ARMCX4: variants seen among roughly 807,000 people sequenced by gnomAD.
ARMCX4 encodes the protein armadillo repeat containing X-linked 4.
In ARMCX4, 3 loss-of-function variants were observed where a neutral mutation model predicts 34.7. That is an observed-to-expected ratio of 0.09 (90% CI 0.04 to 0.22). ARMCX4 has a LOEUF of 0.22. Ranked by LOEUF, ARMCX4 falls within the 10% of genes least tolerant of loss-of-function variation. The pLI, the probability that ARMCX4 is intolerant of heterozygous loss-of-function variation, is 1.00. For missense variants in ARMCX4, 1,448 were observed against 1,720.8 expected (o/e 0.84, Z 2.81); for synonymous variants, 513 against 632.8 (o/e 0.81, Z 2.84).
chrX:101,493,461 G>A lies in ARMCX4; in HGVS notation c.4872G>A (p.Pro1624=), dbSNP rs1297258014. 6.9e-6 allele frequency: 8 copies of A among 1,152,206 alleles called. No individual in the cohort carries two copies. The Admixed American group carries it at 7.8e-5, about 11-fold the overall frequency. The allele number at this position is 1,152,206 out of a possible 1,213,427, so 95.0% of individuals were successfully genotyped here. ...AGGQVLGGAR[P]GPADQSSGGS... is the part of the protein sequence containing the mutation. ...GCCAGGTCCTTGGGGGAGCTAGGCC[G>A]GGGCCTGCAGACCAGTCCAGTGGTG... The change falls in exon 6 of 6, where the codon CCG becomes CCA. Residue 1624 remains proline (P), a synonymous_variant. Coordinates refer to ENST00000423738, the MANE Select transcript of ARMCX4 (RefSeq NM_001256155.3).
chrX:101,425,195 G>A (rs1929527512), intron 2 of ARMCX4, among the ~76,000 whole-genome samples: 1 of 111,570 alleles, frequency 9.0e-6, no homozygotes, highest in African/African-American at 3.3e-5. Flanking sequence ...GAAAGAAACT[G>A]TTTCAAGATG....
chrX:101,499,783 G>C (rs1238218907), downstream of ARMCX4, among the ~76,000 whole-genome samples: 1 of 111,989 alleles, frequency 8.9e-6, no homozygotes, highest in Middle Eastern at 4.2e-3. Flanking sequence ...ATAGGACATG[G>C]ACAGTCAATA....
At chrX:101,512,830 A>ATGTG (rs1569345541) in intron 11 of ARMCX4, among the ~76,000 whole-genome samples, 1 of 88,761 alleles carries the variant, frequency 1.1e-5, no homozygotes, top group Admixed American at 1.3e-4. Flanking sequence ...ATATATACAC[A>ATGTG]TATATATATG....
chrX:101,482,418 A>G (rs1256068453), upstream of ARMCX4, among the ~76,000 whole-genome samples: 1 of 110,198 alleles, frequency 9.1e-6, no homozygotes, highest in African/African-American at 3.3e-5. Flanking sequence ...TTTCAGAGAC[A>G]GGGTTTCACG....
At chrX:101,515,100 C>T (rs1934678556) in intron 11 of ARMCX4, among the ~76,000 whole-genome samples, 1 of 111,071 alleles carries the variant, frequency 9.0e-6, no homozygotes, top group African/African-American at 3.3e-5. Flanking sequence ...AATTTGAAGC[C>T]CTGAGCTCAT....
downstream of ARMCX4, among the ~76,000 whole-genome samples, chrX:101,449,593 G>A (rs933590226): frequency 1.8e-5 from 2 of 111,358 alleles, no homozygotes; most frequent in Non-Finnish European, 3.8e-5. Flanking sequence ...CATTTATCTG[G>A]TAGAATTCTG....
chrX:101,466,695 T>A (rs1218559971), intron 4 of ARMCX4, among the ~76,000 whole-genome samples: 1 of 111,417 alleles, frequency 9.0e-6, no homozygotes, highest in African/African-American at 3.3e-5. Context: ...ATCAGTGGTT[T>A]TTTGGGGGTG....
chrX:101,464,097 G>A (rs1932746974), intron 4 of ARMCX4, among the ~76,000 whole-genome samples: 1 of 110,348 alleles, frequency 9.1e-6, no homozygotes, highest in Non-Finnish European at 1.9e-5. Context: ...TTCAGGCTGG[G>A]TGCGGTGGCT....
rs1934133609 is a variant in ARMCX4 at position 101,494,579 on chromosome X, C to T, written c.5990C>T (p.Ser1997Leu). The part of the protein sequence containing the change: ...MGSWDGAMIW[S>L]ETKFAHQSEA... ...TCATGGGATGGAGCCATGATCTGGT[C>T]GGAAACTAAGTTTGCACACCAAAGT... Residue 1997 changes from serine to leucine, a missense_variant, in exon 6 of 6, where the codon TCG becomes TTG. Around this residue, in one of 2 missense-constraint regions of ARMCX4, gnomAD observed 1,343 missense variants for 1,540.7 expected, o/e 0.87. Coordinates refer to ENST00000423738, the MANE Select transcript of ARMCX4 (RefSeq NM_001256155.3). 12 of 1,153,154 alleles carry T rather than the reference C, an allele frequency of 1.0e-5. No homozygotes were observed. The highest frequency in any genetic ancestry group is 3.8e-5 in the South Asian group (2 of 52,518).
chrX:101,426,302 G>A (rs1221344320), intron 2 of ARMCX4, among the ~76,000 whole-genome samples: 1 of 111,791 alleles, frequency 8.9e-6, no homozygotes, highest in Non-Finnish European at 1.9e-5. Context: ...TCACTAAAAG[G>A]CAAGAGCATC....
chrX:101,524,501 G>A (rs1934921660), intron 11 of ARMCX4: 1 of 112,041 alleles, frequency 8.9e-6, no homozygotes, highest in Admixed American at 9.4e-5. Context: ...GCTGAAGCAG[G>A]GCGGGGCATC....
chrX:101,486,200 G>C (rs185702711), intron 2 of ARMCX4, 108 bp downstream of exon 2: 2 of 110,878 alleles, frequency 1.8e-5, no homozygotes, highest in Admixed American at 1.9e-4. Flanking sequence ...GGCTAGCTTG[G>C]GGACTTTCCC....
chrX:101,532,180 C>A (rs1935142306), intron 12 of ARMCX4: 1 of 111,820 alleles, frequency 8.9e-6, no homozygotes, highest in African/African-American at 3.2e-5. Flanking sequence ...TTTAACAGAG[C>A]CACCCATATA....
At chrX:101,487,917 G>A (rs1159169557) in intron 4 of ARMCX4, 127 bp from the exon 5 acceptor site, 16 of 325,031 alleles carry the variant, frequency 4.9e-5, no homozygotes, top group East Asian at 4.0e-4. Context: ...ACTGAGAAAC[G>A]TAGAAAGGTA....
downstream of ARMCX4, among the ~76,000 whole-genome samples, chrX:101,534,550 TAAAG>T (rs1935188255): frequency 9.0e-6 from 1 of 110,773 alleles, no homozygotes; most frequent in African/African-American, 3.3e-5. Context: ...AAGAATATAA[TAAAG>T]AATAAAGAAA....
intron 2 of ARMCX4, among the ~76,000 whole-genome samples, chrX:101,442,815 C>G (rs1269795313): frequency 9.0e-6 from 1 of 110,931 alleles, no homozygotes; most frequent in Non-Finnish European, 1.9e-5. Flanking sequence ...TGATGGTGAC[C>G]CCTCCAAAAT....
intron 8 of ARMCX4, among the ~76,000 whole-genome samples, chrX:101,508,042 A>G (rs1603222531): frequency 8.9e-6 from 1 of 112,361 alleles, no homozygotes; most frequent in Non-Finnish European, 1.9e-5. Context: ...ACAATTGCTA[A>G]CAGTATTCAG....
chrX:101,437,797 C>T (rs1555995387), intron 2 of ARMCX4, among the ~76,000 whole-genome samples: 3 of 111,961 alleles, frequency 2.7e-5, no homozygotes, highest in African/African-American at 6.5e-5. Context: ...CTATAAATTT[C>T]CCTCTACACA....
chrX:101,467,181 G>T (rs537803086), intron 4 of ARMCX4, among the ~76,000 whole-genome samples: 5 of 111,929 alleles, frequency 4.5e-5, no homozygotes, highest in African/African-American at 1.6e-4. Context: ...ACAGGGTCTC[G>T]CTCTGTTGTC....
Sources: gnomAD v4.1 joint callset for allele counts (sites outside exome capture counted in the v4.1 genomes callset) on GRCh38, gnomAD v4.1.1 for gene constraint, gnomAD v4.1.1 regional missense constraint, MANE v1.5 for transcripts, NCBI Gene and HGNC (gene_info 2026-07-23, HGNC 2026-07-21) for gene names.